ESRRG: variants seen among roughly 807,000 people sequenced by gnomAD.
ESRRG encodes the protein estrogen related receptor gamma, also known as estrogen-related receptor gamma.
A neutral mutation model predicts 44.0 loss-of-function variants in ESRRG; 13 were observed. The ratio of observed to expected loss-of-function variants is 0.30; its 90% CI spans 0.19 to 0.47. The LOEUF (loss-of-function observed/expected upper bound fraction) is 0.47. Among genes scored for constraint, ESRRG ranks in the 20% least tolerant of loss-of-function variants. The probability of loss-of-function intolerance (pLI) is 1.00; values close to 1 mark genes in which losing one functional copy is unlikely to be tolerated. For synonymous variants in ESRRG, 215 were observed against 214.6 expected (o/e 1.00, Z -0.02); for missense variants, 395 against 580.6 (o/e 0.68, Z 3.29).
intron 2 of ESRRG, among the ~76,000 whole-genome samples, chr1:216,847,461 T>A (rs1302399426): frequency 6.6e-6 from 1 of 152,164 alleles, no homozygotes; most frequent in Non-Finnish European, 1.5e-5. Context: ...TACATTTTAA[T>A]TCCCAAAATG....
intron 1 of ESRRG, among the ~76,000 whole-genome samples, chr1:216,996,362 GA>G (rs1406663894): frequency 6.6e-6 from 1 of 151,924 alleles, no homozygotes; most frequent in African/African-American, 2.4e-5. Flanking sequence ...ATGGAAATGG[GA>G]AAAATGGATA....
chr1:216,846,415 TAGTC>T (rs2095750634), intron 2 of ESRRG, among the ~76,000 whole-genome samples: 1 of 152,144 alleles, frequency 6.6e-6, no homozygotes, highest in Non-Finnish European at 1.5e-5. Flanking sequence ...GAGGTCCGGA[TAGTC>T]AGTATTTTAG....
intron 2 of ESRRG, among the ~76,000 whole-genome samples, chr1:216,771,190 A>T (rs1041781920): frequency 7.2e-5 from 11 of 152,136 alleles, no homozygotes; most frequent in African/African-American, 2.7e-4. Flanking sequence ...CAAAACTATC[A>T]TAATTCAATT....
chr1:216,926,527 C>T lies in ESRRG; in HGVS notation c.-14+13055G>A, dbSNP rs560515314. 2.9e-4 allele frequency among the ~76,000 whole-genome samples: 44 copies of T among 151,874 alleles called. No homozygotes were observed. In the East Asian group the frequency reaches 4.1e-3, roughly 14 times the overall value. ...TGGCAATATTTATTTGGCAGAGGAG[C>T]GAAGGGGAAAAAGTTACATTTAATT... On this transcript the variant is annotated intron_variant, in intron 2 of 7. Coordinates refer to the ESRRG transcript ENST00000359162.
At chr1:216,599,411 C>T (rs1411276618) in intron 3 of ESRRG, among the ~76,000 whole-genome samples, 1 of 152,062 alleles carries the variant, frequency 6.6e-6, no homozygotes, top group Non-Finnish European at 1.5e-5. Context: ...GTTTATTATG[C>T]TTAATGCTAA....
intron 1 of ESRRG, among the ~76,000 whole-genome samples, chr1:216,982,282 GT>G (rs2074095484): frequency 6.6e-6 from 1 of 152,172 alleles, no homozygotes; most frequent in South Asian, 2.1e-4. Flanking sequence ...GCAGGTATAA[GT>G]TGGATATTTT....
intron 2 of ESRRG, among the ~76,000 whole-genome samples, chr1:216,834,815 C>T (rs762267149): frequency 2.6e-5 from 4 of 152,104 alleles, no homozygotes; most frequent in South Asian, 2.1e-4. Flanking sequence ...CATAGATAGG[C>T]TCATGAGACC....
intron 2 of ESRRG, among the ~76,000 whole-genome samples, chr1:216,799,860 CAT>C (rs2094567602): frequency 6.6e-6 from 1 of 152,106 alleles, no homozygotes; most frequent in Non-Finnish European, 1.5e-5. Context: ...GATAGATGCA[CAT>C]GTCTCATTAG....
chr1:216,699,961 T>C (rs2081059104), intron 1 of ESRRG, among the ~76,000 whole-genome samples: 1 of 151,968 alleles, frequency 6.6e-6, no homozygotes, highest in East Asian at 1.9e-4. Context: ...AGAAAAGGTA[T>C]ATGACCTGCA....
At chr1:216,811,220 T>A in intron 2 of ESRRG, among the ~76,000 whole-genome samples, 1 of 152,030 alleles carries the variant, frequency 6.6e-6, no homozygotes, top group East Asian at 1.9e-4. Flanking sequence ...ATAATATAAA[T>A]ATTTCATTTA....
At chr1:216,558,407 T>C (rs1366289821) in intron 5 of ESRRG, among the ~76,000 whole-genome samples, 2 of 151,702 alleles carry the variant, frequency 1.3e-5, no homozygotes, top group Non-Finnish European at 2.9e-5. Context: ...ATTATGACAG[T>C]ATCTACACAA....
chr1:216,750,535 C>T (rs1576128551), intron 2 of ESRRG, among the ~76,000 whole-genome samples: 3 of 152,074 alleles, frequency 2.0e-5, no homozygotes, highest in African/African-American at 7.2e-5. Flanking sequence ...CTTTCTAACC[C>T]TATTTAAATA....
chr1:217,083,753 A>G (rs562090118), intron 1 of ESRRG, among the ~76,000 whole-genome samples: 3 of 152,230 alleles, frequency 2.0e-5, no homozygotes, highest in Admixed American at 6.5e-5. Context: ...TAGAAAATGA[A>G]TTTCTAATAA....
upstream of ESRRG, among the ~76,000 whole-genome samples, chr1:217,091,809 C>T (rs766900598): frequency 6.6e-6 from 1 of 152,152 alleles, no homozygotes; most frequent in African/African-American, 2.4e-5. Flanking sequence ...GGTAACTTTC[C>T]AGTAACTATC....
chr1:216,774,583 A>G (rs2093520346), intron 2 of ESRRG, among the ~76,000 whole-genome samples: 1 of 152,054 alleles, frequency 6.6e-6, no homozygotes, highest in Non-Finnish European at 1.5e-5. Flanking sequence ...TCCTAAAGGC[A>G]CTGTCATGTT....
chr1:216,920,521 T>C (rs11117726), intron 2 of ESRRG, among the ~76,000 whole-genome samples: 75,295 of 151,774 alleles, frequency 0.5, 19,013 homozygotes, highest in Middle Eastern at 0.59. Context: ...TTTAATGACG[T>C]CTTTTTATCT....
At chr1:216,781,628 C>T (rs113343616) in intron 2 of ESRRG, among the ~76,000 whole-genome samples, 13 of 152,146 alleles carry the variant, frequency 8.5e-5, no homozygotes, top group African/African-American at 3.1e-4. Context: ...TCAGCCAGCA[C>T]ACACACCACC....
chr1:216,862,703 C>A (rs1048092843), intron 2 of ESRRG: 1 of 152,006 alleles, frequency 6.6e-6, no homozygotes, highest in Non-Finnish European at 1.5e-5. Context: ...TCCATAGAGG[C>A]AAAAAGCAGA....
chr1:217,082,411 A>G (rs1235139397), intron 1 of ESRRG, among the ~76,000 whole-genome samples: 1 of 152,188 alleles, frequency 6.6e-6, no homozygotes. Flanking sequence ...TATTATTCAC[A>G]TTTTTATAAT....
Sources: gnomAD v4.1 joint callset for allele counts (sites outside exome capture counted in the v4.1 genomes callset) on GRCh38, gnomAD v4.1.1 for gene constraint, MANE v1.5 for transcripts, NCBI Gene and HGNC (gene_info 2026-07-23, HGNC 2026-07-21) for gene names.